SLIT2: variants seen among roughly 807,000 people sequenced by gnomAD.
SLIT2 encodes the protein slit homolog 2 protein.
A neutral mutation model predicts 185.7 loss-of-function variants in SLIT2; 41 were observed. The ratio of observed to expected loss-of-function variants is 0.22; its 90% CI spans 0.17 to 0.29. SLIT2 has a LOEUF of 0.29. SLIT2 is among the 10% of genes least tolerant of loss of function. The probability of loss-of-function intolerance (pLI) is 1.00; values close to 1 mark genes in which losing one functional copy is unlikely to be tolerated. For missense variants in SLIT2, 1,571 were observed against 1,909.0 expected (o/e 0.82, Z 3.30); for synonymous variants, 693 against 680.2 (o/e 1.02, Z -0.29).
intron 4 of SLIT2, among the ~76,000 whole-genome samples, chr4:20,353,272 G>GA (rs1180151643): frequency 5.3e-5 from 8 of 151,708 alleles, no homozygotes; most frequent in Admixed American, 3.9e-4. Flanking sequence ...AACTTCACAG[G>GA]AAAAAAAGGA....
intron 16 of SLIT2, among the ~76,000 whole-genome samples, chr4:20,531,646 C>G (rs1436088431): frequency 6.6e-6 from 1 of 151,802 alleles, no homozygotes; most frequent in African/African-American, 2.4e-5. Context: ...AATTGTGAAG[C>G]AAACGATTAG....
In SLIT2 at chr4:20,567,313, C is replaced by T. The variant is rs1185951977; in HGVS notation, c.2777C>T (p.Pro926Leu). 42 of 1,612,264 alleles carry T rather than the reference C, an allele frequency of 2.6e-5. No individual in the cohort carries two copies. Among genetic ancestry groups the T allele is most frequent in the Non-Finnish European group, 3.3e-5 (39 of 1,178,822 alleles). ...AAGTGTAACCCCTGCCTATCAAATCCGTGTAAAAATGATGGCACATGTAAT... is the reference window on the plus strand; with the variant it reads ...AAGTGTAACCCCTGCCTATCAAATCTGTGTAAAAATGATGGCACATGTAAT... ...LAKCNPCLSN[P>L]CKNDGTCNSD... The change falls in exon 27 of 37, where the codon CCG becomes CTG. Residue 926 changes from proline (P) to leucine (L), a missense_variant. Pro to Leu is a moderately conservative substitution (Grantham distance 98). Coordinates refer to ENST00000504154, the MANE Select transcript of SLIT2 (RefSeq NM_004787.4).
intron 4 of SLIT2, among the ~76,000 whole-genome samples, chr4:20,397,281 T>A (rs1311478766): frequency 6.6e-6 from 1 of 151,812 alleles, no homozygotes; most frequent in Admixed American, 6.6e-5. Context: ...AAGTTCATTG[T>A]CTTTGTTTCC....
chr4:20,282,652 A>G (rs1272838102), intron 4 of SLIT2, among the ~76,000 whole-genome samples: 1 of 152,250 alleles, frequency 6.6e-6, no homozygotes, highest in Non-Finnish European at 1.5e-5. Context: ...GCTACAGTGT[A>G]CACTTGTGTG....
chr4:20,598,342 G>T lies in SLIT2; in HGVS notation c.3639G>T (p.Gly1213=). The part of the protein sequence containing the change: ...KDHIAVELYR[G]RVRASYDTGS... ...ATATCGCGGTAGAACTCTATCGGGG[G>T]CGTGTTCGTGCCAGCTATGACACCG... The change falls in exon 33 of 37, where the codon GGG becomes GGT. Residue 1213 remains glycine (G), a synonymous_variant. Coordinates refer to ENST00000504154, the MANE Select transcript of SLIT2 (RefSeq NM_004787.4). The T allele has an allele frequency of 2.5e-6, 4 of 1,614,082 alleles. No individual in the cohort carries two copies. The highest frequency in any genetic ancestry group is 3.4e-6 in the Non-Finnish European group (4 of 1,179,970).
intron 4 of SLIT2, among the ~76,000 whole-genome samples, chr4:20,286,931 C>A (rs1326839392): frequency 3.3e-5 from 5 of 152,168 alleles, no homozygotes; most frequent in Non-Finnish European, 7.3e-5. Flanking sequence ...AAATATGTAT[C>A]ACCATCTCAG....
intron 4 of SLIT2, among the ~76,000 whole-genome samples, chr4:20,421,463 T>G (rs984297405): frequency 6.6e-6 from 1 of 152,166 alleles, no homozygotes; most frequent in African/African-American, 2.4e-5. Flanking sequence ...GATTTCCTGT[T>G]GACATTAAAA....
intron 4 of SLIT2, among the ~76,000 whole-genome samples, chr4:20,428,042 A>T (rs907072616): frequency 6.6e-6 from 1 of 152,220 alleles, no homozygotes; most frequent in Non-Finnish European, 1.5e-5. Flanking sequence ...AATTGTTCAC[A>T]GCAAAGAGAA....
Position 20,491,413 on chromosome 4 carries a change from G to C in SLIT2, c.776-348G>C, listed in dbSNP as rs536932510. Among the ~76,000 whole-genome samples the C allele has an allele frequency of 2.2e-4, 34 of 152,216 alleles. No homozygotes were observed. The South Asian group carries it at 6.4e-3, about 29-fold the overall frequency. ...ACCAAGCTCTATTTAATCTTATTAG[G>C]AATGAAGATAAATTAGTCTGAAGTT... On this transcript the variant is annotated intron_variant, in intron 8 of 36. Transcript: ENST00000504154.
chr4:20,323,656 A>G (rs1227296818), intron 4 of SLIT2, among the ~76,000 whole-genome samples: 2 of 152,194 alleles, frequency 1.3e-5, no homozygotes, highest in Non-Finnish European at 2.9e-5. Flanking sequence ...GAAAATAAAT[A>G]TATATTATGT....
At chr4:20,436,094 T>C (rs546981873) in intron 4 of SLIT2, among the ~76,000 whole-genome samples, 4 of 152,370 alleles carry the variant, frequency 2.6e-5, no homozygotes, top group Admixed American at 2.6e-4. Flanking sequence ...TGGAATCTTC[T>C]TGAATTTGGT....
At chr4:20,406,559 A>T (rs1261897077) in intron 4 of SLIT2, among the ~76,000 whole-genome samples, 1 of 144,274 alleles carries the variant, frequency 6.9e-6, no homozygotes, top group African/African-American at 2.4e-5. Context: ...AGTGCTCAAC[A>T]TTATTATCCA....
chr4:20,618,941 G>T lies in SLIT2; in HGVS notation c.4522G>T (p.Asp1508Tyr). ...KRRKYSFECT[D>Y]GSSFVDEVEK... ...GCGGAAATACTCTTTCGAATGCACTGACGGCTCCTCCTTTGTGGACGAGGT... is the reference window on the plus strand; with the variant it reads ...GCGGAAATACTCTTTCGAATGCACTTACGGCTCCTCCTTTGTGGACGAGGT... Residue 1508 changes from aspartate (D) to tyrosine (Y), a missense_variant, in exon 37 of 37, where the codon GAC becomes TAC. Physicochemically the swap from Asp to Tyr is radical, Grantham distance 160 (BLOSUM62 -3). This residue lies in a region of SLIT2 where 223 missense variants were observed against 245.2 expected (regional missense o/e 0.91). Coordinates refer to ENST00000504154, the MANE Select transcript of SLIT2 (RefSeq NM_004787.4). 1 of 1,614,142 alleles carries T rather than the reference G, an allele frequency of 6.2e-7. No individual in the cohort carries two copies. Among genetic ancestry groups the T allele is most frequent in the Non-Finnish European group, 8.5e-7 (1 of 1,180,010 alleles).
intron 4 of SLIT2, among the ~76,000 whole-genome samples, chr4:20,426,637 G>A (rs1728577330): frequency 6.6e-6 from 1 of 150,584 alleles, no homozygotes; most frequent in Non-Finnish European, 1.5e-5. Flanking sequence ...GATTGAAGAG[G>A]GACAGAAAAA....
chr4:20,453,449 T>C (rs1227531739), intron 4 of SLIT2, among the ~76,000 whole-genome samples: 1 of 152,162 alleles, frequency 6.6e-6, no homozygotes, highest in Admixed American at 6.6e-5. Context: ...TATTTCCACA[T>C]TAAAATGGTA....
At position 20,619,513 on chromosome 4, in the gene SLIT2, A is replaced by G. The variant is rs1729931768; in HGVS notation, c.*504A>G. On this transcript the variant is annotated 3_prime_UTR_variant, in exon 37 of 37. Coordinates refer to ENST00000504154, the MANE Select transcript of SLIT2 (RefSeq NM_004787.4). ...ATGAGAAATATTTCATGCAAAATATAAAGTGTCCTGAGGATCTGGGTTCCA... is the reference window on the plus strand; with the variant it reads ...ATGAGAAATATTTCATGCAAAATATGAAGTGTCCTGAGGATCTGGGTTCCA... 1 of 152,234 alleles carries G rather than the reference A, an allele frequency of 6.6e-6. No individual in the cohort carries two copies. The allele number at this position is 152,234 out of a possible 1,614,324, so 9.4% of individuals were successfully genotyped here. A position where few individuals can be genotyped will look rare whatever the true frequency, so the allele number is the denominator to read the frequency against.
intron 4 of SLIT2, chr4:20,393,309 G>A (rs1725590568): frequency 6.6e-6 from 1 of 152,032 alleles, no homozygotes. Flanking sequence ...GCAGCAAATA[G>A]AAGCCTAATT....
In SLIT2 at chr4:20,523,031, G is replaced by T. The variant is rs140777767; in HGVS notation, c.1131-729G>T. Among the ~76,000 whole-genome samples, 1,014 of 152,266 alleles carry T rather than the reference G, an allele frequency of 6.7e-3. 7 individuals carry two copies. The highest frequency in any genetic ancestry group is 0.011 in the Non-Finnish European group (763 of 68,020). ...TGAGAGTGCTAGGGGTTGGGAAGGG[G>T]TCAAAGACAGCCTGCATGTATTAAG... On this transcript the variant is annotated intron_variant, in intron 12 of 36. Transcript: ENST00000504154.
At position 20,296,462 on chromosome 4, in the gene SLIT2, A is replaced by G. The variant is rs1263358455; in HGVS notation, c.395+27581A>G. On this transcript the variant is annotated intron_variant, in intron 4 of 36. Transcript: ENST00000504154. ...GTATTTAAAAATTCTAATTACAGCA[A>G]TTGGTAAAGAAGTTTCCAAGTACAA... Among the ~76,000 whole-genome samples the G allele has an allele frequency of 2.6e-5, 4 of 152,218 alleles. No homozygotes were observed. The East Asian group carries it at 7.7e-4, about 29-fold the overall frequency.
Sources: allele counts gnomAD v4.1 joint callset (sites outside exome capture counted in the v4.1 genomes callset), GRCh38; gene constraint gnomAD v4.1.1; regional missense constraint gnomAD v4.1.1; transcripts MANE v1.5; gene names NCBI Gene and HGNC (gene_info 2026-07-23, HGNC 2026-07-21).